CHRM2: variants seen among roughly 807,000 people sequenced by gnomAD.
The protein encoded by CHRM2 is cholinergic receptor muscarinic 2.
CHRM2 carries 8 observed loss-of-function variants against 25.0 expected under a neutral mutation model. That is an observed-to-expected ratio of 0.32 (90% confidence interval 0.19 to 0.58). CHRM2 has a LOEUF of 0.58. Among genes scored for constraint, CHRM2 ranks in the 20% least tolerant of loss-of-function variants. The pLI is 0.88. For missense variants in CHRM2, 440 were observed against 567.1 expected, an observed-to-expected ratio of 0.78 and a Z score of 2.28; for synonymous variants, 202 against 205.7, an observed-to-expected ratio of 0.98 and a Z score of 0.15.
intron 2 of CHRM2, among the ~76,000 whole-genome samples, chr7:136,941,899 T>C (rs1349815422): frequency 6.6e-6 from 1 of 152,188 alleles, no homozygotes; most frequent in Admixed American, 6.5e-5. Context: ...TTCAACACCT[T>C]GGCTCTGTCC....
intron 2 of CHRM2, among the ~76,000 whole-genome samples, chr7:136,937,942 G>T (rs1799515350): frequency 6.6e-6 from 1 of 152,140 alleles, no homozygotes; most frequent in Non-Finnish European, 1.5e-5. Flanking sequence ...CTAATTGAGG[G>T]TTTGTATCAG....
chr7:136,944,424 A>G (rs1799946921), intron 2 of CHRM2, among the ~76,000 whole-genome samples: 1 of 151,634 alleles, frequency 6.6e-6, no homozygotes, highest in Admixed American at 6.6e-5. Flanking sequence ...TTATTTTGTT[A>G]TTTTGTTCCT....
intron 2 of CHRM2, among the ~76,000 whole-genome samples, chr7:136,985,328 G>A (rs1802774018): frequency 6.6e-6 from 1 of 151,802 alleles, no homozygotes; most frequent in Non-Finnish European, 1.5e-5. Flanking sequence ...TGACCAACAT[G>A]ATGAAACCCC....
chr7:136,964,679 A>G (rs528548298), intron 2 of CHRM2, among the ~76,000 whole-genome samples: 6 of 152,152 alleles, frequency 3.9e-5, no homozygotes, highest in Non-Finnish European at 8.8e-5. Flanking sequence ...CTGCCTATGT[A>G]GTCTGTTCAT....
chr7:137,004,087 A>G (rs1039373064), intron 3 of CHRM2, among the ~76,000 whole-genome samples: 3 of 152,162 alleles, frequency 2.0e-5, no homozygotes, highest in African/African-American at 7.2e-5. Flanking sequence ...GACTAATACA[A>G]TTGTGCTTCA....
In CHRM2 at chr7:137,020,144, T is replaced by C. The variant is rs1805355916; in HGVS notation, c.*3878T>C. On this transcript the variant is annotated 3_prime_UTR_variant, in exon 4 of 4. Coordinates refer to ENST00000680005, the MANE Select transcript of CHRM2 (RefSeq NM_001006630.2). ...TGTGTGCATATTTAATGTATCTTCC[T>C]GGAATATGCTATGTGCTAAATATAT... The C allele has an allele frequency of 6.7e-6, 1 of 150,298 alleles. No individual in the cohort carries two copies. Among genetic ancestry groups the C allele is most frequent in the African/African-American group, 2.4e-5 (1 of 41,304 alleles). The allele number at this position is 150,298 out of a possible 1,614,324, so 9.3% of individuals were successfully genotyped here.
rs1795691566 is a variant in CHRM2, at chr7:136,868,659, C to G, written c.-616C>G. On this transcript the variant is annotated 5_prime_UTR_variant, in exon 1 of 4. Coordinates refer to ENST00000680005, the MANE Select transcript of CHRM2 (RefSeq NM_001006630.2). ...TCCAGAAATTGTCCGCCCATTGCAG[C>G]TAATCGAACACACACGCACGAATAC... 1 of 152,188 alleles carries G rather than the reference C, an allele frequency of 6.6e-6. No individual in the cohort carries two copies. Among genetic ancestry groups the G allele is most frequent in the Non-Finnish European group, 1.5e-5 (1 of 68,072 alleles). 9.4% of individuals were successfully genotyped at this position (152,188 alleles called of 1,614,324 possible).
At chr7:136,974,750 T>A (rs1802003736) in intron 2 of CHRM2, among the ~76,000 whole-genome samples, 1 of 152,144 alleles carries the variant, frequency 6.6e-6, no homozygotes, top group Non-Finnish European at 1.5e-5. Flanking sequence ...TTATTCTCTG[T>A]TAAATAATTT....
rs536799473 is a variant in CHRM2, at chr7:136,930,029, T to C, written c.-125+60611T>C. ...TGAATGTTTCATTAATTGGCAGAGA[T>C]TGCCAGATTGCACTTAATGCAACCT... On this transcript the variant is annotated intron_variant, in intron 2 of 3. Transcript: ENST00000680005. 2.6e-5 allele frequency among the ~76,000 whole-genome samples: 4 copies of C among 151,958 alleles called. No individual in the cohort carries two copies. The East Asian group carries it at 5.9e-4, about 22-fold the overall frequency.
At chr7:136,911,534 A>G (rs2130686035) in intron 2 of CHRM2, among the ~76,000 whole-genome samples, 1 of 152,022 alleles carries the variant, frequency 6.6e-6, no homozygotes, top group African/African-American at 2.4e-5. Flanking sequence ...TGACTAATGT[A>G]TTTGGAACCT....
Position 136,931,689 on chromosome 7 carries a change from C to T in CHRM2, c.-124-60498C>T, listed in dbSNP as rs373040503. ...TGTATAGTACTCTCCTTTGGCTTTGCTGACCTGCCATACACTGTCCAGACT... is the reference window on the plus strand; with the variant it reads ...TGTATAGTACTCTCCTTTGGCTTTGTTGACCTGCCATACACTGTCCAGACT... On this transcript the variant is annotated intron_variant, in intron 2 of 3. Transcript: ENST00000680005. Among the ~76,000 whole-genome samples the T allele has an allele frequency of 1.1e-4, 16 of 152,320 alleles. No individual in the cohort carries two copies. The East Asian group carries it at 2.3e-3, about 22-fold the overall frequency.
chr7:136,902,974 C>A (rs1797313320), intron 2 of CHRM2: 1 of 375,914 alleles, frequency 2.7e-6, no homozygotes, highest in Non-Finnish European at 5.1e-6. Flanking sequence ...CAAAGCTTCT[C>A]AGCCTGGGAT....
rs761830015 is a variant in CHRM2 at position 137,015,384 on chromosome 7, T to C, written c.519T>C (p.Asp173=). 9 of 1,613,382 alleles carry C rather than the reference T, an allele frequency of 5.6e-6. No homozygotes were observed. The Admixed American group carries it at 1.3e-4, about 24-fold the overall frequency. Residue 173 remains aspartate (D), a synonymous_variant, in exon 4 of 4, where the codon GAT becomes GAC. Coordinates refer to ENST00000680005, the MANE Select transcript of CHRM2 (RefSeq NM_001006630.2). The surrounding 1 kb of genome is among the most constrained non-coding windows in gnomAD (Gnocchi z 5.1). The part of the protein sequence containing the change: ...QFIVGVRTVE[D]GECYIQFFSN... ...TTGTAGGGGTGAGAACTGTGGAGGA[T>C]GGGGAGTGCTACATTCAGTTTTTTT... is the stretch of plus-strand genomic sequence containing the variant.
intron 3 of CHRM2, among the ~76,000 whole-genome samples, chr7:136,994,036 T>A (rs561185095): frequency 1.3e-5 from 2 of 152,286 alleles, no homozygotes; most frequent in South Asian, 2.1e-4. Context: ...CAATGCCACA[T>A]AAATGCAGAA....
At chr7:136,883,109 C>G (rs1170997947) in intron 2 of CHRM2, among the ~76,000 whole-genome samples, 1 of 152,142 alleles carries the variant, frequency 6.6e-6, no homozygotes, top group South Asian at 2.1e-4. Context: ...CATCTGCTCT[C>G]TTACGTAGGG....
At chr7:136,997,683 G>C (rs962418649) in intron 3 of CHRM2, among the ~76,000 whole-genome samples, 1 of 152,128 alleles carries the variant, frequency 6.6e-6, no homozygotes, top group Admixed American at 6.6e-5. Context: ...ATTTATTCTT[G>C]TCTGATCTTT....
At chr7:136,991,679 C>A (rs1328773394) in intron 2 of CHRM2, among the ~76,000 whole-genome samples, 1 of 152,076 alleles carries the variant, frequency 6.6e-6, no homozygotes, top group African/African-American at 2.4e-5. Flanking sequence ...TATAGATTGA[C>A]AATCTTCTCT....
At chr7:136,997,481 AAG>A (rs1192129274) in intron 3 of CHRM2, among the ~76,000 whole-genome samples, 2 of 152,204 alleles carry the variant, frequency 1.3e-5, no homozygotes, top group Admixed American at 6.5e-5. Flanking sequence ...AAATCAGAAA[AAG>A]AAATAATTTT....
chr7:136,967,976 G>T (rs1488255811), intron 2 of CHRM2, among the ~76,000 whole-genome samples: 2 of 151,712 alleles, frequency 1.3e-5, no homozygotes, highest in Non-Finnish European at 2.9e-5. Flanking sequence ...CACACAATTA[G>T]GTCAAATGAT....
Sources: gnomAD v4.1 joint callset for allele counts (sites outside exome capture counted in the v4.1 genomes callset) on GRCh38, gnomAD v4.1.1 for gene constraint, Gnocchi (gnomAD v3.1) non-coding constraint, MANE v1.5 for transcripts, NCBI Gene and HGNC (gene_info 2026-07-23, HGNC 2026-07-21) for gene names.